The following MTUS2 variants were observed in gnomAD, a reference collection of about 807,000 sequenced individuals.
MTUS2 encodes microtubule-associated tumor suppressor candidate 2.
MTUS2 carries 40 observed loss-of-function variants against 114.1 expected under a neutral mutation model. The ratio of observed to expected loss-of-function variants is 0.35; its 90% CI spans 0.27 to 0.46. The LOEUF is 0.46. Among genes scored for constraint, MTUS2 ranks in the 20% least tolerant of loss-of-function variants. MTUS2 has a pLI of 1.00. For missense variants in MTUS2, 1,679 were observed against 1,705.4 expected, an observed-to-expected ratio of 0.98 and a Z score of 0.27; for synonymous variants, 688 against 672.0, an observed-to-expected ratio of 1.02 and a Z score of -0.37.
chr13:29,105,764 G>A (rs1486949862), intron 5 of MTUS2, among the ~76,000 whole-genome samples: 1 of 151,542 alleles, frequency 6.6e-6, no homozygotes, highest in Non-Finnish European at 1.5e-5. Flanking sequence ...GGCAAAGGAT[G>A]TATGTTTTCG....
intron 2 of MTUS2, among the ~76,000 whole-genome samples, chr13:28,988,389 G>A (rs1050193433): frequency 6.6e-6 from 1 of 152,126 alleles, no homozygotes; most frequent in East Asian, 1.9e-4. Context: ...GTTTGTTCCC[G>A]GGGAATTCAT....
chr13:29,237,611 T>C (rs958604694), intron 5 of MTUS2, among the ~76,000 whole-genome samples: 7 of 152,222 alleles, frequency 4.6e-5, no homozygotes, highest in African/African-American at 9.6e-5. Flanking sequence ...ATGTCTGTTG[T>C]CATTTTGGCT....
intron 3 of MTUS2, among the ~76,000 whole-genome samples, chr13:29,027,833 C>T (rs986093750): frequency 2.6e-5 from 4 of 152,132 alleles, no homozygotes; most frequent in African/African-American, 7.2e-5. Flanking sequence ...GCCACCGCGC[C>T]CAGCCGGTAT....
intron 5 of MTUS2, among the ~76,000 whole-genome samples, chr13:29,165,698 G>C (rs988378599): frequency 6.6e-6 from 1 of 152,138 alleles, no homozygotes; most frequent in East Asian, 1.9e-4. Flanking sequence ...TATTTATTTG[G>C]CTATCATTAC....
intron 8 of MTUS2, among the ~76,000 whole-genome samples, chr13:29,420,434 C>T (rs1212597680): frequency 1.3e-5 from 2 of 152,082 alleles, no homozygotes; most frequent in East Asian, 1.9e-4. Context: ...CCCGCTGCCG[C>T]GCCCAGCTAA....
intron 1 of MTUS2, among the ~76,000 whole-genome samples, chr13:28,829,500 C>G (rs1217709248): frequency 4.0e-5 from 6 of 151,634 alleles, no homozygotes; most frequent in African/African-American, 1.5e-4. Context: ...CCACTGAACT[C>G]CAGCCTGAAT....
At chr13:29,359,670 A>C (rs796979397) in intron 8 of MTUS2, among the ~76,000 whole-genome samples, 197 bp downstream of exon 8, 17 of 152,350 alleles carry the variant, frequency 1.1e-4, no homozygotes, top group African/African-American at 4.1e-4. Context: ...TAGGTGTGAA[A>C]GAAATACGTC....
intron 5 of MTUS2, among the ~76,000 whole-genome samples, chr13:29,275,491 AC>A (rs1418754126): frequency 1.3e-5 from 2 of 152,158 alleles, no homozygotes; most frequent in Admixed American, 1.3e-4. Context: ...GTACCCATTA[AC>A]CATCCCTACT....
At chr13:29,377,592 A>G (rs1289252775) in intron 8 of MTUS2, among the ~76,000 whole-genome samples, 5 of 152,206 alleles carry the variant, frequency 3.3e-5, no homozygotes, top group Non-Finnish European at 5.9e-5. Flanking sequence ...TCAAAATACA[A>G]CATATCAAAA....
At chr13:29,269,824 G>C (rs1195207895) in intron 5 of MTUS2, among the ~76,000 whole-genome samples, 1 of 152,164 alleles carries the variant, frequency 6.6e-6, no homozygotes, top group African/African-American at 2.4e-5. Context: ...CAGATGAATG[G>C]ATTGTCTTTA....
At chr13:28,957,301 A>C (rs749385101) in intron 2 of MTUS2, among the ~76,000 whole-genome samples, 1 of 152,212 alleles carries the variant, frequency 6.6e-6, no homozygotes, top group African/African-American at 2.4e-5. Context: ...CATTCATTCA[A>C]TACCCATGTT....
At chr13:29,341,350 A>G (rs1901385768) in intron 7 of MTUS2, among the ~76,000 whole-genome samples, 1 of 152,124 alleles carries the variant, frequency 6.6e-6, no homozygotes, top group Non-Finnish European at 1.5e-5. Flanking sequence ...CCATTCTTGC[A>G]GGAGTAAGGT....
chr13:29,026,591 C>G lies in MTUS2; in HGVS notation c.1893C>G (p.Pro631=), dbSNP rs750358921. The G allele has an allele frequency of 3.7e-6, 6 of 1,613,790 alleles. No homozygotes were observed. The Admixed American group carries it at 6.7e-5, about 18-fold the overall frequency. ...EKTEERTETK[P]IIMPKPKHVR... The stretch of plus-strand genomic sequence containing the variant: ...CAGAGGAGAGGACAGAAACTAAGCC[C>G]ATCATTATGCCCAAGCCCAAGCATG... Residue 631 remains proline, a synonymous_variant, in exon 3 of 16, where the codon CCC becomes CCG. Transcript: ENST00000612955.
At chr13:29,060,554 T>TC (rs2138643454) in intron 4 of MTUS2, among the ~76,000 whole-genome samples, 1 of 150,174 alleles carries the variant, frequency 6.7e-6, no homozygotes, top group East Asian at 1.9e-4. Flanking sequence ...TTTTTTTTTT[T>TC]TTTTTTTTTT....
At chr13:29,042,255 T>C (rs1887399292) in intron 4 of MTUS2, among the ~76,000 whole-genome samples, 2 of 152,186 alleles carry the variant, frequency 1.3e-5, no homozygotes, top group Admixed American at 6.5e-5. Context: ...TCTGTTTATG[T>C]CATATATCAC....
chr13:29,383,242 G>A (rs533704078), intron 8 of MTUS2, among the ~76,000 whole-genome samples: 789 of 28,682 alleles, frequency 0.028, 16 homozygotes, highest in African/African-American at 0.041. Context: ...GTGTGTGTGT[G>A]TGTGTGTGTG....
At chr13:28,925,770 A>G (rs59696855) in intron 2 of MTUS2, among the ~76,000 whole-genome samples, 12,949 of 152,312 alleles carry the variant, frequency 0.085, 621 homozygotes, top group South Asian at 0.13. Flanking sequence ...TGAGTACTCA[A>G]TGGAACAATA....
At chr13:29,321,306 G>A (rs190252568) in intron 6 of MTUS2, among the ~76,000 whole-genome samples, 2 of 152,350 alleles carry the variant, frequency 1.3e-5, no homozygotes, top group East Asian at 1.9e-4. Flanking sequence ...CCGGGAGGCA[G>A]TAGGAAAACA....
At chr13:29,252,459 G>A (rs892210795) in intron 5 of MTUS2, among the ~76,000 whole-genome samples, 2 of 152,140 alleles carry the variant, frequency 1.3e-5, no homozygotes, top group Admixed American at 6.5e-5. Flanking sequence ...AGTGAGTGAG[G>A]CGTTGCTGCA....
Sources: gnomAD v4.1 joint callset for allele counts (sites outside exome capture counted in the v4.1 genomes callset) on GRCh38, gnomAD v4.1.1 for gene constraint, MANE v1.5 for transcripts, NCBI Gene and HGNC (gene_info 2026-07-23, HGNC 2026-07-21) for gene names.